FHIT: variants seen among roughly 807,000 people sequenced by gnomAD.
FHIT encodes the protein fragile histidine triad diadenosine triphosphatase, also known as bis(5'-adenosyl)-triphosphatase.
Under a neutral mutation model 17.9 loss-of-function variants are expected in FHIT, and 19 were observed. That is an observed-to-expected ratio of 1.06 (90% CI 0.74 to 1.56). The LOEUF (loss-of-function observed/expected upper bound fraction) is 1.56. Ranked by LOEUF, FHIT falls within the 40% of genes most tolerant of loss-of-function variation. FHIT has a pLI of 0.00. For synonymous variants in FHIT, 81 were observed against 69.7 expected, an observed-to-expected ratio of 1.16 and a Z score of -0.81; for missense variants, 248 against 189.2, an observed-to-expected ratio of 1.31 and a Z score of -1.82.
At chr3:60,581,318 C>G (rs1005550867) in intron 4 of FHIT, among the ~76,000 whole-genome samples, 8 of 152,050 alleles carry the variant, frequency 5.3e-5, no homozygotes, top group Admixed American at 5.2e-4. Flanking sequence ...GACAAGTAGT[C>G]TAGATGAGAG....
intron 5 of FHIT, among the ~76,000 whole-genome samples, chr3:60,525,296 A>T (rs2734357): frequency 1 from 151,645 of 152,324 alleles, 75,489 homozygotes; most frequent in East Asian, 1. Flanking sequence ...AATAATTAAA[A>T]GAATATTCCT....
intron 1 of FHIT, among the ~76,000 whole-genome samples, chr3:61,207,651 G>A (rs1466453242): frequency 6.6e-6 from 1 of 152,038 alleles, no homozygotes; most frequent in Non-Finnish European, 1.5e-5. Context: ...TATTTCTGTG[G>A]GATCGGTGTT....
chr3:60,343,049 A>AC (rs1284584013), intron 5 of FHIT, among the ~76,000 whole-genome samples: 2 of 152,182 alleles, frequency 1.3e-5, no homozygotes, highest in Non-Finnish European at 2.9e-5. Flanking sequence ...ACTGATAGTT[A>AC]CACCCCAGGG....
At chr3:60,849,429 A>G (rs1703051920) in intron 3 of FHIT, among the ~76,000 whole-genome samples, 1 of 113,442 alleles carries the variant, frequency 8.8e-6, no homozygotes, top group Non-Finnish European at 1.8e-5. Context: ...ACTTTTGTTA[A>G]TACAAAAATG....
At chr3:61,058,465 T>A (rs1024037558) in intron 2 of FHIT, among the ~76,000 whole-genome samples, 2 of 152,192 alleles carry the variant, frequency 1.3e-5, no homozygotes, top group African/African-American at 4.8e-5. Flanking sequence ...CAAATTGTAA[T>A]CTTCAGTGTT....
At chr3:61,056,624 G>A (rs1180449958) in intron 2 of FHIT, among the ~76,000 whole-genome samples, 3 of 152,130 alleles carry the variant, frequency 2.0e-5, no homozygotes, top group South Asian at 4.2e-4. Context: ...CATGTAACAC[G>A]CCTTGGGAAG....
chr3:60,927,733 G>A (rs542276325), intron 3 of FHIT, among the ~76,000 whole-genome samples: 12 of 150,856 alleles, frequency 8.0e-5, no homozygotes, highest in African/African-American at 9.7e-5. Flanking sequence ...TGAGGTGGGC[G>A]TGCCCCCACC....
intron 3 of FHIT, among the ~76,000 whole-genome samples, chr3:61,023,673 A>G (rs778037315): frequency 6.6e-6 from 1 of 152,224 alleles, no homozygotes; most frequent in Non-Finnish European, 1.5e-5. Context: ...GAAACAGAAC[A>G]GAGGCCTGAG....
intron 8 of FHIT, among the ~76,000 whole-genome samples, chr3:59,902,484 T>C (rs1704374902): frequency 6.6e-6 from 1 of 151,616 alleles, no homozygotes; most frequent in Non-Finnish European, 1.5e-5. Context: ...AAAAGAGATA[T>C]CTCCACTCAC....
intron 5 of FHIT, among the ~76,000 whole-genome samples, chr3:60,482,845 G>C (rs1218379986): frequency 6.6e-6 from 1 of 151,556 alleles, no homozygotes; most frequent in East Asian, 1.9e-4. Flanking sequence ...AACTGAAGGA[G>C]ATAGAGACAC....
intron 4 of FHIT, among the ~76,000 whole-genome samples, chr3:60,728,850 T>C (rs2041970877): frequency 6.6e-6 from 1 of 152,108 alleles, no homozygotes; most frequent in Admixed American, 6.5e-5. Flanking sequence ...TTTAAATTAC[T>C]TATATAAAAC....
chr3:60,744,316 C>A (rs1553714777), intron 4 of FHIT, among the ~76,000 whole-genome samples: 1 of 138,356 alleles, frequency 7.2e-6, no homozygotes, highest in East Asian at 2.1e-4. Flanking sequence ...AACCTATATG[C>A]ACAAGAATTC....
At chr3:60,121,544 C>T (rs549090152) in intron 5 of FHIT, among the ~76,000 whole-genome samples, 9 of 152,044 alleles carry the variant, frequency 5.9e-5, no homozygotes, top group Admixed American at 2.0e-4. Context: ...ATTAGCCAGG[C>T]GTGGTGGTGC....
intron 5 of FHIT, among the ~76,000 whole-genome samples, chr3:60,116,622 C>A (rs1202823754): frequency 6.6e-6 from 1 of 152,114 alleles, no homozygotes; most frequent in Non-Finnish European, 1.5e-5. Context: ...ATGAACTCTT[C>A]CTGGCATTTC....
At chr3:60,078,555 C>A (rs1488903498) in intron 5 of FHIT, among the ~76,000 whole-genome samples, 1 of 152,090 alleles carries the variant, frequency 6.6e-6, no homozygotes, top group African/African-American at 2.4e-5. Flanking sequence ...AATGTGTGAT[C>A]CTGGAATGGA....
chr3:60,554,949 G>A (rs1485729601), intron 4 of FHIT, among the ~76,000 whole-genome samples: 1 of 152,114 alleles, frequency 6.6e-6, no homozygotes, highest in African/African-American at 2.4e-5. Context: ...GTACTCTATA[G>A]ACTTACTCCT....
rs190798812 is a variant in FHIT at position 60,046,596 on chromosome 3, G to C, written c.104-32444C>G. ...AAAATAAAAAAGACAAACAGAGCTA[G>C]CCTCTGACTGAGAAAGGACACCTGA... is the stretch of plus-strand genomic sequence containing the variant. On this transcript the variant is annotated intron_variant, in intron 5 of 9. Coordinates refer to ENST00000492590, the MANE Select transcript of FHIT (RefSeq NM_002012.4). Among the ~76,000 whole-genome samples the C allele has an allele frequency of 1.5e-3, 228 of 152,296 alleles. 1 individual carries two copies. Among genetic ancestry groups the C allele is most frequent in the Non-Finnish European group, 2.7e-3 (187 of 68,028 alleles).
intron 8 of FHIT, among the ~76,000 whole-genome samples, chr3:59,815,474 T>G (rs1201637982): frequency 6.6e-6 from 1 of 152,194 alleles, no homozygotes; most frequent in African/African-American, 2.4e-5. Context: ...AAATGTGGAA[T>G]CAACCCAAAT....
At chr3:59,805,054 G>T (rs905759719) in intron 8 of FHIT, among the ~76,000 whole-genome samples, 12 of 152,138 alleles carry the variant, frequency 7.9e-5, no homozygotes, top group South Asian at 2.1e-4. Flanking sequence ...CCTTGGGTTT[G>T]TCTCTAGAGG....
Sources: allele counts gnomAD v4.1 joint callset (sites outside exome capture counted in the v4.1 genomes callset), GRCh38; gene constraint gnomAD v4.1.1; transcripts MANE v1.5; gene names NCBI Gene and HGNC (gene_info 2026-07-23, HGNC 2026-07-21).